The following GMFB variants were observed in gnomAD, a reference collection of about 807,000 sequenced individuals.
The protein encoded by GMFB is GMF-beta.
A neutral mutation model predicts 25.6 loss-of-function variants in GMFB; 13 were observed. The observed-to-expected ratio is 0.51, with a 90% CI of 0.33 to 0.81. The LOEUF (loss-of-function observed/expected upper bound fraction) is 0.81, where lower values mean the gene tolerates loss of function less well. GMFB is among the 30% of genes least tolerant of loss of function. GMFB has a pLI of 0.02. For missense variants in GMFB, 146 were observed against 175.4 expected (o/e 0.83, Z 0.95); for synonymous variants, 57 against 56.9 (o/e 1.00, Z 0.00).
intron 5 of GMFB, 28 bp from the exon 6 acceptor site, chr14:54,479,887 G>A (rs367684737): frequency 8.8e-5 from 117 of 1,336,358 alleles, no homozygotes; most frequent in Non-Finnish European, 1.1e-4. Flanking sequence ...GTGTAGAAAT[G>A]AGACACAGAT....
chr14:54,480,825 C>T (rs60913976), intron 5 of GMFB, 49 bp downstream of exon 5: 4 of 923,158 alleles, frequency 4.3e-6, no homozygotes, highest in Non-Finnish European at 7.0e-6. Flanking sequence ...TATAAAATGG[C>T]TTAATTGGAT....
intron 1 of GMFB, among the ~76,000 whole-genome samples, chr14:54,488,032 TA>T (rs1251603257): frequency 2.6e-5 from 4 of 152,086 alleles, no homozygotes; most frequent in African/African-American, 9.7e-5. Flanking sequence ...GGAATGCAGC[TA>T]AAAGGTCAGA....
chr14:54,481,775 T>G (rs570440277), intron 3 of GMFB, among the ~76,000 whole-genome samples: 5 of 152,250 alleles, frequency 3.3e-5, no homozygotes, highest in Admixed American at 3.3e-4. Flanking sequence ...AAACAATGTC[T>G]GATTTCAGAA....
At chr14:54,487,136 C>A (rs572060991) in intron 1 of GMFB, among the ~76,000 whole-genome samples, 3 of 152,192 alleles carry the variant, frequency 2.0e-5, no homozygotes, top group Non-Finnish European at 4.4e-5. Context: ...TAGCTCACGT[C>A]TGTAATCTCA....
intron 1 of GMFB, 123 bp downstream of exon 1, chr14:54,488,802 G>T (rs1479285990): frequency 2.9e-6 from 2 of 694,702 alleles, no homozygotes; most frequent in East Asian, 3.3e-5. Flanking sequence ...CAGCTGCTGG[G>T]AGCGGAAGCG....
At chr14:54,480,731 C>A in intron 5 of GMFB, 143 bp downstream of exon 5, 1 of 564,020 alleles carries the variant, frequency 1.8e-6, no homozygotes, top group South Asian at 2.4e-5. Flanking sequence ...CACACAGGCA[C>A]ATGGACACAC....
chr14:54,484,178 C>A, intron 1 of GMFB: 1 of 194,922 alleles, frequency 5.1e-6, no homozygotes, highest in Non-Finnish European at 1.1e-5. Context: ...TCTGATTATA[C>A]TTAGAATTAA....
intron 2 of GMFB, 180 bp downstream of exon 2, chr14:54,483,491 T>G: frequency 1.7e-6 from 1 of 580,502 alleles, no homozygotes; most frequent in South Asian, 2.1e-5. Flanking sequence ...ACAATCCACC[T>G]CTGTTCTGTG....
intron 1 of GMFB, 116 bp downstream of exon 1, chr14:54,488,809 A>C: frequency 1.3e-6 from 1 of 749,352 alleles, no homozygotes; most frequent in Non-Finnish European, 2.0e-6. Context: ...TGGGAGCGGA[A>C]GCGGCCGCCG....
At chr14:54,488,641 C>T (rs1196748863) in intron 1 of GMFB, 5 of 404,540 alleles carry the variant, frequency 1.2e-5, no homozygotes, top group Non-Finnish European at 1.8e-5. Context: ...CCAGAAGGAC[C>T]TGGCGTGGGG....
intron 1 of GMFB, among the ~76,000 whole-genome samples, chr14:54,487,038 T>C (rs753336055): frequency 6.6e-6 from 1 of 152,276 alleles, no homozygotes; most frequent in South Asian, 2.1e-4. Flanking sequence ...TGAGGTGGCT[T>C]TGAGGAGACC....
At chr14:54,486,333 A>T (rs1349893049) in intron 1 of GMFB, among the ~76,000 whole-genome samples, 1 of 152,186 alleles carries the variant, frequency 6.6e-6, no homozygotes, top group Non-Finnish European at 1.5e-5. Flanking sequence ...TAAAGACTTA[A>T]ATGTAAGATC....
chr14:54,484,791 C>T (rs1031307386), intron 1 of GMFB, among the ~76,000 whole-genome samples: 1 of 151,922 alleles, frequency 6.6e-6, no homozygotes, highest in Non-Finnish European at 1.5e-5. Context: ...TAACAAAATA[C>T]TAGAAAACCA....
chr14:54,477,488 T>C lies in GMFB; in HGVS notation c.*600A>G, dbSNP rs2031655460. 1 of 152,154 alleles carries C rather than the reference T, an allele frequency of 6.6e-6. No individual in the cohort carries two copies. Among genetic ancestry groups the C allele is most frequent in the Admixed American group, 6.6e-5 (1 of 15,242 alleles). 9.4% of individuals were successfully genotyped at this position (152,154 alleles called of 1,614,324 possible). A position where few individuals can be genotyped will look rare whatever the true frequency, so the allele number is the denominator to read the frequency against. On this transcript the variant is annotated 3_prime_UTR_variant, in exon 7 of 7. Coordinates refer to ENST00000358056, the MANE Select transcript of GMFB (RefSeq NM_004124.3). ...AAAGCTAACAGTCATAATTCTATCA[T>C]AAAATCTAACTCCCGACCTTAAAAA...
chr14:54,481,020 G>C, intron 4 of GMFB, 64 bp from the exon 5 acceptor site: 2 of 721,030 alleles, frequency 2.8e-6, no homozygotes, highest in Non-Finnish European at 4.8e-6. Context: ...AACACCTGGG[G>C]AGCTACTGAG....
intron 6 of GMFB, chr14:54,478,676 C>T (rs2031672096): frequency 6.6e-6 from 1 of 152,160 alleles, no homozygotes; most frequent in Non-Finnish European, 1.5e-5. Flanking sequence ...CAATGTATTA[C>T]AGCAGAAAGG....
Position 54,479,766 on chromosome 14 carries a change from C to A in GMFB, c.357+20G>T. 1 of 1,417,144 alleles carries A rather than the reference C, an allele frequency of 7.1e-7. No individual in the cohort carries two copies. Among genetic ancestry groups the A allele is most frequent in the South Asian group, 1.2e-5 (1 of 86,800 alleles). 87.8% of individuals were successfully genotyped at this position (1,417,144 alleles called of 1,614,324 possible). On this transcript the variant is annotated intron_variant, in intron 6 of 6. Transcript: ENST00000358056. ...AAAGGAAAATATTGTCTCAACAAGT[C>A]AGTCAAATATAAATACCACCTTGGT...
intron 1 of GMFB, chr14:54,483,992 T>G (rs1252649119): frequency 1.6e-6 from 1 of 630,644 alleles, no homozygotes. Context: ...TAAGGTATAT[T>G]TTAACTTTCT....
Position 54,475,260 on chromosome 14 carries a change from A to G in GMFB, c.*2828T>C, listed in dbSNP as rs987977808. ...GGGTTGGGGGGAACAGCCAAATTTA[A>G]TTTGGCAATAAACTCCCCTAACTGG... On this transcript the variant is annotated 3_prime_UTR_variant, in exon 7 of 7. Coordinates refer to ENST00000358056, the MANE Select transcript of GMFB (RefSeq NM_004124.3). 2 of 152,580 alleles carry G rather than the reference A, an allele frequency of 1.3e-5. No individual in the cohort carries two copies. Among genetic ancestry groups the G allele is most frequent in the African/African-American group, 4.8e-5 (2 of 41,462 alleles). The allele number at this position is 152,580 out of a possible 1,614,324, so 9.5% of individuals were successfully genotyped here.
Sources: gnomAD v4.1 joint callset for allele counts (sites outside exome capture counted in the v4.1 genomes callset) on GRCh38, gnomAD v4.1.1 for gene constraint, MANE v1.5 for transcripts, NCBI Gene and HGNC (gene_info 2026-07-23, HGNC 2026-07-21) for gene names.